The following MAP4K4 variants were observed in gnomAD, a reference collection of about 807,000 sequenced individuals.
MAP4K4 encodes the protein mitogen-activated protein kinase kinase kinase kinase 4, also known as HPK/GCK-like kinase HGK.
A neutral mutation model predicts 189.6 loss-of-function variants in MAP4K4; 38 were observed. The observed-to-expected ratio is 0.20, with a 90% CI of 0.15 to 0.26. The LOEUF is 0.26. Ranked by LOEUF, MAP4K4 falls within the 10% of genes least tolerant of loss-of-function variation. The pLI is 1.00. For synonymous variants in MAP4K4, 610 were observed against 624.3 expected (o/e 0.98, Z 0.34); for missense variants, 1,054 against 1,726.9 (o/e 0.61, Z 6.91).
chr2:101,860,843 A>G, exon 16 of MAP4K4: 1 of 1,608,204 alleles, frequency 6.2e-7, no homozygotes, highest in South Asian at 1.1e-5. Flanking sequence ...TAGATTTAGG[A>G]AAACTAACCA....
At position 101,716,977 on chromosome 2, in the gene MAP4K4, G is replaced by A. The variant is rs541420424; in HGVS notation, c.123+18439G>A. ...AGATATAATAAATGGAGATAAATAT[G>A]TACATTTAATATCTTCATTTTACAA... is the stretch of plus-strand genomic sequence containing the variant. On this transcript the variant is annotated intron_variant, in intron 2 of 32. Coordinates refer to ENST00000324219, the Ensembl canonical transcript of MAP4K4. 1.4e-4 allele frequency among the ~76,000 whole-genome samples: 21 copies of A among 152,250 alleles called. 1 individual carries two copies. In the South Asian group the frequency reaches 4.1e-3, roughly 30 times the overall value.
At chr2:101,735,489 G>A (rs2059985139) in intron 2 of MAP4K4, among the ~76,000 whole-genome samples, 1 of 152,076 alleles carries the variant, frequency 6.6e-6, no homozygotes, top group Non-Finnish European at 1.5e-5. Context: ...AGGGTTTCCT[G>A]GTAAGATCAT....
At chr2:101,813,617 C>T (rs770110818) in intron 3 of MAP4K4, among the ~76,000 whole-genome samples, 1 of 152,096 alleles carries the variant, frequency 6.6e-6, no homozygotes, top group East Asian at 1.9e-4. Context: ...CAGGTAATGA[C>T]GTACATAGTT....
chr2:101,810,938 C>T (rs989090883), intron 3 of MAP4K4, among the ~76,000 whole-genome samples: 9 of 152,170 alleles, frequency 5.9e-5, no homozygotes, highest in East Asian at 1.9e-4. Context: ...ATGGACAAGA[C>T]GGTGCCTTAT....
chr2:101,773,133 T>C (rs1294554359), intron 2 of MAP4K4, among the ~76,000 whole-genome samples: 1 of 152,212 alleles, frequency 6.6e-6, no homozygotes, highest in Non-Finnish European at 1.5e-5. Flanking sequence ...CCCCAGCACT[T>C]CTTCCTTGAT....
chr2:101,701,439 A>T (rs1352867727), intron 2 of MAP4K4, among the ~76,000 whole-genome samples: 1 of 152,054 alleles, frequency 6.6e-6, no homozygotes, highest in African/African-American at 2.4e-5. Context: ...AATTTCAAGG[A>T]GATGTTATTT....
At chr2:101,847,011 A>G (rs1372092497) in intron 12 of MAP4K4, among the ~76,000 whole-genome samples, 1 of 152,090 alleles carries the variant, frequency 6.6e-6, no homozygotes. Flanking sequence ...TAACCTGTGC[A>G]CTCCCTTCCA....
chr2:101,781,469 G>A (rs1297444336), intron 2 of MAP4K4, among the ~76,000 whole-genome samples: 1 of 152,152 alleles, frequency 6.6e-6, no homozygotes, highest in Non-Finnish European at 1.5e-5. Context: ...GCCAAAGGTC[G>A]AGGGGCTGGC....
chr2:101,831,608 C>T, intron 6 of MAP4K4, 113 bp from the exon 7 acceptor site: 2 of 1,137,734 alleles, frequency 1.8e-6, no homozygotes, highest in Non-Finnish European at 2.6e-6. Context: ...ATTCATGAAG[C>T]ACTGCTGTTT....
chr2:101,759,831 C>T (rs1453418766), intron 2 of MAP4K4, among the ~76,000 whole-genome samples: 6 of 140,336 alleles, frequency 4.3e-5, no homozygotes, highest in African/African-American at 1.6e-4. Flanking sequence ...CCCTTCCCTT[C>T]CCTTTTCCCT....
Position 101,883,561 on chromosome 2 carries a change from G to A in MAP4K4, c.3520+876G>A, listed in dbSNP as rs567332677. On this transcript the variant is annotated intron_variant, in intron 28 of 32. Transcript: ENST00000324219. ...ATACTGGCACTAATGTTAGACATACGGGAGAAATAATGGACCTTAGCCAAA... is the reference window on the plus strand; with the variant it reads ...ATACTGGCACTAATGTTAGACATACAGGAGAAATAATGGACCTTAGCCAAA... 4.6e-5 allele frequency among the ~76,000 whole-genome samples: 7 copies of A among 152,118 alleles called. No individual in the cohort carries two copies. In the East Asian group the frequency reaches 9.7e-4, roughly 21 times the overall value.
At chr2:101,780,449 C>T (rs975558997) in intron 2 of MAP4K4, among the ~76,000 whole-genome samples, 4 of 152,126 alleles carry the variant, frequency 2.6e-5, no homozygotes, top group African/African-American at 9.7e-5. Context: ...TGTGGAGAAA[C>T]TTATTGGGAT....
rs397872119 is a variant in MAP4K4, at chr2:101,721,435, C to CTT, written c.123+22914_123+22915dup. Reference sequence around the variant, plus strand: ...TGTTAAGGGGTTGGGTAGTATATTGCTTTTTTTTTTTTTTTTTTGAGATGG... The same window carrying CTT: ...TGTTAAGGGGTTGGGTAGTATATTGCTTTTTTTTTTTTTTTTTTTTGAGATGG... On this transcript the variant is annotated intron_variant, in intron 2 of 32. Transcript: ENST00000324219. 2.7e-3 allele frequency among the ~76,000 whole-genome samples: 358 copies of CTT among 131,546 alleles called. 5 individuals are homozygous for CTT. Among genetic ancestry groups the CTT allele is most frequent in the African/African-American group, 9.2e-3 (326 of 35,420 alleles). The allele number at this position is 131,546 out of a possible 152,430, so 86.3% of individuals were successfully genotyped here.
At chr2:101,774,725 TTTAACA>T (rs1313448659) in intron 2 of MAP4K4, among the ~76,000 whole-genome samples, 19 of 152,322 alleles carry the variant, frequency 1.2e-4, no homozygotes, top group African/African-American at 4.6e-4. Context: ...TCTGTATAGT[TTTAACA>T]TGTATAGATT....
At chr2:101,893,498 T>C (rs1039434695) in exon 33 of MAP4K4, 2 of 330,960 alleles carry the variant, frequency 6.0e-6, no homozygotes, top group Non-Finnish European at 1.2e-5. Context: ...TTTAGGCTTT[T>C]CATAAGATGA....
rs949299355 is a variant in MAP4K4 at position 101,829,440 on chromosome 2, G to A, written c.418-64G>A. The A allele has an allele frequency of 3.0e-5, 32 of 1,059,874 alleles. No homozygotes were observed. In the African/African-American group the frequency reaches 4.4e-4, roughly 15 times the overall value. 65.7% of individuals were successfully genotyped at this position (1,059,874 alleles called of 1,614,324 possible). A position where few individuals can be genotyped will look rare whatever the true frequency, so the allele number is the denominator to read the frequency against. On this transcript the variant is annotated intron_variant, in intron 5 of 32. Transcript: ENST00000324219. ...ACATGTGCACTTTCTTATAAAAGGT[G>A]TGTTCCTGGCTGTTTACTTATAGTC...
At chr2:101,890,061 C>T (rs1221035439) in intron 32 of MAP4K4, among the ~76,000 whole-genome samples, 1 of 152,174 alleles carries the variant, frequency 6.6e-6, no homozygotes, top group Non-Finnish European at 1.5e-5. Context: ...GCAACTATAG[C>T]ATTCTTTGAA....
At chr2:101,827,311 C>T (rs2096405423) in intron 5 of MAP4K4, among the ~76,000 whole-genome samples, 1 of 151,950 alleles carries the variant, frequency 6.6e-6, no homozygotes, top group Non-Finnish European at 1.5e-5. Context: ...TTCCTTGTGA[C>T]AAAAGTTTAA....
At chr2:101,851,852 A>T (rs192495185) in intron 12 of MAP4K4, among the ~76,000 whole-genome samples, 5 of 146,604 alleles carry the variant, frequency 3.4e-5, no homozygotes, top group Non-Finnish European at 7.4e-5. Flanking sequence ...ATTGTCTTCT[A>T]CGTTTTTTTA....
Sources: allele counts gnomAD v4.1 joint callset (sites outside exome capture counted in the v4.1 genomes callset), GRCh38; gene constraint gnomAD v4.1.1; transcripts MANE v1.5; gene names NCBI Gene and HGNC (gene_info 2026-07-23, HGNC 2026-07-21).